Variants in ZNF215 observed in about 807,000 individuals in gnomAD.
ZNF215 encodes the protein BWSCR2-associated zinc finger protein 2.
ZNF215 carries 24 observed loss-of-function variants against 27.2 expected under a neutral mutation model. The observed-to-expected ratio is 0.88, with a 90% CI of 0.64 to 1.24. The LOEUF (loss-of-function observed/expected upper bound fraction) is 1.24, where lower values mean the gene tolerates loss of function less well. Ranked by LOEUF, ZNF215 falls within the 50% of genes most tolerant of loss-of-function variation. ZNF215 has a pLI of 0.00. For missense variants in ZNF215, 675 were observed against 605.7 expected (o/e 1.11, Z -1.20); for synonymous variants, 210 against 204.0 (o/e 1.03, Z -0.25).
chr11:6,970,818 C>T lies in ZNF215; in HGVS notation c.806-13311C>T, dbSNP rs188506131. Among the ~76,000 whole-genome samples, 297 of 152,222 alleles carry T rather than the reference C, an allele frequency of 2.0e-3. 4 individuals are homozygous for T. The highest frequency in any genetic ancestry group is 0.017 in the Admixed American group (254 of 15,286). ...TTACTGAGCACAAAACTAGATATTC[C>T]GAGACATCCTTCCTTGCAGGTACAT... On this transcript the variant is annotated intron_variant, in intron 5 of 5. Coordinates refer to the ZNF215 transcript ENST00000529903.
intron 4 of ZNF215, among the ~76,000 whole-genome samples, chr11:6,942,774 T>C (rs1849674180): frequency 6.6e-6 from 1 of 152,218 alleles, no homozygotes; most frequent in Non-Finnish European, 1.5e-5. Context: ...TAAGGCATAG[T>C]AATTTTTTGT....
At chr11:6,951,887 C>G (rs1432000111) in intron 6 of ZNF215, among the ~76,000 whole-genome samples, 1 of 152,040 alleles carries the variant, frequency 6.6e-6, no homozygotes. Context: ...ATAAATTTCC[C>G]TCTACACACT....
chr11:6,946,048 A>G (rs529513762), intron 6 of ZNF215, among the ~76,000 whole-genome samples: 18 of 152,240 alleles, frequency 1.2e-4, no homozygotes, highest in African/African-American at 4.1e-4. Context: ...CAGTTTAACT[A>G]TTCTTGACAC....
intron 3 of ZNF215, among the ~76,000 whole-genome samples, chr11:6,939,090 T>G (rs1487762757): frequency 6.6e-6 from 1 of 152,150 alleles, no homozygotes; most frequent in African/African-American, 2.4e-5. Flanking sequence ...AGCTATTGAT[T>G]TATCCAATTT....
intron 6 of ZNF215, among the ~76,000 whole-genome samples, chr11:6,950,720 T>G (rs1337021678): frequency 6.6e-6 from 1 of 150,746 alleles, no homozygotes; most frequent in Non-Finnish European, 1.5e-5. Flanking sequence ...TGAATACCCT[T>G]TATTTCCTTC....
intron 6 of ZNF215, among the ~76,000 whole-genome samples, chr11:6,953,168 T>A (rs1206457984): frequency 6.6e-6 from 1 of 152,148 alleles, no homozygotes; most frequent in Non-Finnish European, 1.5e-5. Context: ...GCCCTTAACA[T>A]TTTTTCCTTC....
intron 5 of ZNF215, among the ~76,000 whole-genome samples, chr11:6,980,786 AGT>A (rs531787313): frequency 0.011 from 1,348 of 123,300 alleles, 23 homozygotes; most frequent in African/African-American, 0.039. Flanking sequence ...CAGTCCCCAG[AGT>A]GTGATGTTCC....
At chr11:6,947,294 A>G (rs1318944775) in intron 6 of ZNF215, among the ~76,000 whole-genome samples, 2 of 152,226 alleles carry the variant, frequency 1.3e-5, no homozygotes, top group African/African-American at 2.4e-5. Flanking sequence ...CACAAAATCT[A>G]TGTCATAGTC....
intron 6 of ZNF215, among the ~76,000 whole-genome samples, chr11:6,953,950 A>G (rs1178811061): frequency 1.3e-5 from 2 of 152,066 alleles, no homozygotes; most frequent in Admixed American, 1.3e-4. Flanking sequence ...TTTTCCTTCT[A>G]ACAGACAGGA....
chr11:6,954,592 G>T (rs931008292), intron 6 of ZNF215, among the ~76,000 whole-genome samples: 10 of 152,204 alleles, frequency 6.6e-5, no homozygotes, highest in African/African-American at 2.4e-4. Context: ...TCGGGAAAGC[G>T]CAGTATTAGG....
chr11:6,969,998 T>TCTCAAA (rs1850690254), intron 5 of ZNF215, among the ~76,000 whole-genome samples: 1 of 152,144 alleles, frequency 6.6e-6, no homozygotes, highest in Non-Finnish European at 1.5e-5. Flanking sequence ...GCCAGGCTGT[T>TCTCAAA]CTCAAACTCA....
intron 6 of ZNF215, among the ~76,000 whole-genome samples, chr11:6,950,877 A>G (rs1400642898): frequency 7.5e-4 from 113 of 151,392 alleles, no homozygotes; most frequent in Non-Finnish European, 1.4e-3. Flanking sequence ...GTTTGTCATA[A>G]ATAGCTCTTA....
Position 6,932,443 on chromosome 11 carries a change from G to T in ZNF215, c.171G>T (p.Leu57Phe). 1 of 1,614,140 alleles carries T rather than the reference G, an allele frequency of 6.2e-7. No individual in the cohort carries two copies. The highest frequency in any genetic ancestry group is 8.5e-7 in the Non-Finnish European group (1 of 1,180,010). The stretch of plus-strand genomic sequence containing the variant: ...AAAAGTTCAGACATTTCCAGTATTT[G>T]AAAGTGTCTGGGCCCCATGAAGCCC... ...SRQKFRHFQY[L>F]KVSGPHEALS... The change falls in exon 3 of 7, where the codon TTG becomes TTT. Residue 57 changes from leucine to phenylalanine, a missense_variant. Transcript: ENST00000278319.
downstream of ZNF215, among the ~76,000 whole-genome samples, chr11:6,961,667 T>G (rs1324127551): frequency 3.3e-5 from 5 of 152,184 alleles, no homozygotes; most frequent in African/African-American, 1.2e-4. Context: ...TCGGGCCTTT[T>G]GGTTATCCTC....
chr11:6,984,277 T>A (rs1238882063), exon 6 of ZNF215: 2 of 240,670 alleles, frequency 8.3e-6, no homozygotes, highest in Non-Finnish European at 1.7e-5. Flanking sequence ...CTAGCTAATT[T>A]TTTGTGTTTC....
At chr11:6,952,057 T>C (rs1185724831) in intron 6 of ZNF215, among the ~76,000 whole-genome samples, 2 of 152,262 alleles carry the variant, frequency 1.3e-5, no homozygotes. Flanking sequence ...AGTGAGTTTC[T>C]TAACCCTGAG....
chr11:6,927,411 T>C (rs1489709040), intron 1 of ZNF215, among the ~76,000 whole-genome samples: 1 of 152,196 alleles, frequency 6.6e-6, no homozygotes, highest in Non-Finnish European at 1.5e-5. Flanking sequence ...CCTGTTTGAT[T>C]AGAAATAACC....
chr11:6,935,559 C>A (rs1849407486), intron 3 of ZNF215, among the ~76,000 whole-genome samples: 1 of 151,774 alleles, frequency 6.6e-6, no homozygotes, highest in Non-Finnish European at 1.5e-5. Context: ...ACAGTTAGAG[C>A]CTCAAAATAT....
intron 3 of ZNF215, among the ~76,000 whole-genome samples, chr11:6,937,486 C>CTTTTTTTTTTTTTTTTTTTTTTTTTTT (rs57676890): frequency 8.4e-6 from 1 of 118,918 alleles, no homozygotes. Flanking sequence ...ATCTCAGCTG[C>CTTTTTTTTTTTTTTTTTTTTTTTTTTT]TTTTTTTTTT....
Sources: gnomAD v4.1 joint callset for allele counts (sites outside exome capture counted in the v4.1 genomes callset) on GRCh38, gnomAD v4.1.1 for gene constraint, MANE v1.5 for transcripts, NCBI Gene and HGNC (gene_info 2026-07-23, HGNC 2026-07-21) for gene names.